The following DOCK1 variants were observed in gnomAD, a reference collection of about 807,000 sequenced individuals.
DOCK1 encodes the protein dedicator of cytokinesis 1.
DOCK1 carries 138 observed loss-of-function variants against 262.7 expected under a neutral mutation model. That is an observed-to-expected ratio of 0.53 (90% CI 0.46 to 0.61). The LOEUF (loss-of-function observed/expected upper bound fraction) is 0.61. Ranked by LOEUF, DOCK1 falls within the 20% of genes least tolerant of loss-of-function variation. DOCK1 has a pLI of 0.00. For missense variants in DOCK1, 1,908 were observed against 2,370.7 expected (o/e 0.80, Z 4.05); for synonymous variants, 866 against 867.4 (o/e 1.00, Z 0.03).
chr10:127,082,694 A>C (rs1422524358), intron 23 of DOCK1, among the ~76,000 whole-genome samples: 1 of 152,038 alleles, frequency 6.6e-6, no homozygotes, highest in Non-Finnish European at 1.5e-5. Context: ...GCAGAGGCTT[A>C]TGTGGGAGGA....
At chr10:127,262,637 G>A (rs79935353) in intron 29 of DOCK1, among the ~76,000 whole-genome samples, 14,284 of 152,252 alleles carry the variant, frequency 0.094, 747 homozygotes, top group African/African-American at 0.12. Context: ...ACAGCTTGTT[G>A]AGAGACCCTT....
At chr10:127,439,843 G>A (rs575401512) in intron 49 of DOCK1, among the ~76,000 whole-genome samples, 9 of 152,200 alleles carry the variant, frequency 5.9e-5, no homozygotes, top group Non-Finnish European at 8.8e-5. Flanking sequence ...AGTGAGTCTC[G>A]TTCATTCCAC....
intron 27 of DOCK1, among the ~76,000 whole-genome samples, chr10:127,231,122 TTTTTG>T (rs1045520921): frequency 6.6e-6 from 1 of 152,170 alleles, no homozygotes; most frequent in African/African-American, 2.4e-5. Flanking sequence ...CAACCAGAAA[TTTTTG>T]TTTTAAGACT....
At chr10:127,367,202 G>T (rs1206069479) in intron 33 of DOCK1, among the ~76,000 whole-genome samples, 1 of 152,182 alleles carries the variant, frequency 6.6e-6, no homozygotes, top group Admixed American at 6.5e-5. Flanking sequence ...TTCTGCTCTT[G>T]TGCTCGTGCT....
chr10:127,232,002 T>G lies in DOCK1; in HGVS notation c.2848-16006T>G, dbSNP rs1040290380. On this transcript the variant is annotated intron_variant, in intron 27 of 51. Transcript: ENST00000623213. The stretch of plus-strand genomic sequence containing the variant: ...GTTCATATTCTAGTGAGGAGAGACA[T>G]AAACAATTTATGCAATTTGTGTCAA... Among the ~76,000 whole-genome samples the G allele has an allele frequency of 2.9e-4, 44 of 152,092 alleles. 3 individuals are homozygous for G. The highest frequency in any genetic ancestry group is 2.9e-5 in the Non-Finnish European group (2 of 68,020).
intron 31 of DOCK1, among the ~76,000 whole-genome samples, chr10:127,345,397 G>A (rs1287401523): frequency 6.6e-6 from 1 of 152,196 alleles, no homozygotes; most frequent in East Asian, 1.9e-4. Flanking sequence ...CACCTAGAAT[G>A]TGGCAAAGCA....
intron 27 of DOCK1, among the ~76,000 whole-genome samples, chr10:127,214,632 C>T (rs1161157489): frequency 3.9e-5 from 6 of 152,286 alleles, no homozygotes; most frequent in South Asian, 4.1e-4. Context: ...ATTAGGACAG[C>T]GTGTTAGATC....
At chr10:127,000,890 C>T (rs973973933) in intron 10 of DOCK1, 8 of 157,968 alleles carry the variant, frequency 5.1e-5, no homozygotes, top group East Asian at 1.9e-4. Flanking sequence ...CTTTATCTGC[C>T]ATGTTGGTGC....
At chr10:127,439,580 T>G (rs2069942960) in intron 49 of DOCK1, among the ~76,000 whole-genome samples, 1 of 152,210 alleles carries the variant, frequency 6.6e-6, no homozygotes, top group Non-Finnish European at 1.5e-5. Flanking sequence ...CAGTCCTTGG[T>G]GTCCGCTAAT....
At position 127,354,682 on chromosome 10, in the gene DOCK1, A is replaced by G; in HGVS notation, c.3238A>G (p.Arg1080Gly). The change falls in exon 32 of 52, where the codon AGG becomes GGG. Residue 1080 changes from arginine to glycine, a missense_variant. Transcript: ENST00000623213. Reference protein sequence around the residue: ...AKILNKYGDMRRQIGFEIRDM... With the variant: ...AKILNKYGDMGRQIGFEIRDM... The stretch of plus-strand genomic sequence containing the variant: ...CCTGATTTCCAGGTACGGAGATATG[A>G]GGAGACAGATTGGCTTTGAAATCAG... The G allele has an allele frequency of 1.2e-6, 2 of 1,613,898 alleles. No homozygotes were observed. Among genetic ancestry groups the G allele is most frequent in the Non-Finnish European group, 1.7e-6 (2 of 1,179,810 alleles).
At chr10:127,053,768 C>T (rs998789536) in intron 22 of DOCK1, among the ~76,000 whole-genome samples, 8 of 152,150 alleles carry the variant, frequency 5.3e-5, no homozygotes, top group Admixed American at 5.2e-4. Context: ...TTAAGAGCTG[C>T]GCTAAAATGA....
At chr10:127,184,084 C>G (rs959989422) in intron 27 of DOCK1, among the ~76,000 whole-genome samples, 2 of 152,128 alleles carry the variant, frequency 1.3e-5, no homozygotes, top group African/African-American at 4.8e-5. Context: ...GGGAAGCAGT[C>G]TGACATGATG....
Position 126,996,810 on chromosome 10 carries a change from C to G in DOCK1, c.536C>G (p.Thr179Ser). The change falls in exon 7 of 52, where the codon ACT (threonine) becomes AGT (serine). Residue 179 changes from threonine (T) to serine (S), a missense_variant. By Grantham distance (58) the Thr-to-Ser change is moderately conservative. Around this residue, in one of 9 missense-constraint regions of DOCK1, gnomAD observed 227 missense variants for 254.1 expected, o/e 0.89. Coordinates refer to ENST00000623213, the MANE Select transcript of DOCK1 (RefSeq NM_001290223.2). The stretch of plus-strand genomic sequence containing the variant: ...GGGAATATTTTGGATCCAGAATTAA[C>G]TAGCACGATTAGTCTCTTCAGAGCT... ...EDGNILDPEL[T>S]STISLFRAHE... is the part of the protein sequence containing the mutation. 1.9e-6 allele frequency: 3 copies of G among 1,612,880 alleles called. No homozygotes were observed. Among genetic ancestry groups the G allele is most frequent in the South Asian group, 2.2e-5 (2 of 90,866 alleles).
intron 27 of DOCK1, chr10:127,145,794 T>C (rs2051765925): frequency 9.4e-6 from 3 of 320,564 alleles, no homozygotes; most frequent in Non-Finnish European, 1.8e-5. Context: ...TGATACCCAT[T>C]GAGAGCATCA....
intron 1 of DOCK1, among the ~76,000 whole-genome samples, chr10:126,934,322 A>G (rs914187216): frequency 2.6e-5 from 4 of 152,366 alleles, no homozygotes; most frequent in Admixed American, 2.6e-4. Flanking sequence ...GTTGAGTCAG[A>G]ACCTGTGTGA....
At chr10:127,278,208 A>G (rs1427148034) in intron 29 of DOCK1, among the ~76,000 whole-genome samples, 1 of 152,124 alleles carries the variant, frequency 6.6e-6, no homozygotes, top group East Asian at 1.9e-4. Context: ...AAATTTGCAC[A>G]TGGCTGTCCC....
In DOCK1 at chr10:126,968,873, C is replaced by T. The variant is rs566371470; in HGVS notation, c.47-1829C>T. ...ATAAACTTAATAACTAACTAATAAC[C>T]ATCTTTGTCAGTTGAGGACACTTAC... On this transcript the variant is annotated intron_variant, in intron 1 of 51. Transcript: ENST00000623213. 4.3e-4 allele frequency among the ~76,000 whole-genome samples: 66 copies of T among 152,290 alleles called. 2 individuals are homozygous for T. The highest frequency in any genetic ancestry group is 4.9e-4 in the Non-Finnish European group (33 of 68,022).
chr10:127,140,715 C>G (rs1482266494), intron 27 of DOCK1, among the ~76,000 whole-genome samples: 1 of 152,198 alleles, frequency 6.6e-6, no homozygotes, highest in Non-Finnish European at 1.5e-5. Flanking sequence ...GAGGCAGCAT[C>G]AGAAGGTTAA....
chr10:127,190,241 C>T (rs1198378102), intron 27 of DOCK1, among the ~76,000 whole-genome samples: 1 of 152,168 alleles, frequency 6.6e-6, no homozygotes, highest in African/African-American at 2.4e-5. Flanking sequence ...GAACCCAACC[C>T]TTTGGTGCTT....
Sources: gnomAD v4.1 joint callset for allele counts (sites outside exome capture counted in the v4.1 genomes callset) on GRCh38, gnomAD v4.1.1 for gene constraint, gnomAD v4.1.1 regional missense constraint, MANE v1.5 for transcripts, NCBI Gene and HGNC (gene_info 2026-07-23, HGNC 2026-07-21) for gene names.